Variants in TMPRSS6 observed in about 807,000 individuals in gnomAD.
The protein encoded by TMPRSS6 is transmembrane protease serine 6.
TMPRSS6 carries 67 observed loss-of-function variants against 101.5 expected under a neutral mutation model. The ratio of observed to expected loss-of-function variants is 0.66; its 90% CI spans 0.54 to 0.81. The LOEUF is 0.81. Among genes scored for constraint, TMPRSS6 ranks in the 30% least tolerant of loss-of-function variants. The pLI, the probability that TMPRSS6 is intolerant of heterozygous loss-of-function variation, is 0.00. For synonymous variants in TMPRSS6, 453 were observed against 464.9 expected (o/e 0.97, Z 0.33); for missense variants, 1,034 against 1,088.7 (o/e 0.95, Z 0.71).
At chr22:37,090,752 A>G (rs935190972) in intron 6 of TMPRSS6, among the ~76,000 whole-genome samples, 1 of 152,066 alleles carries the variant, frequency 6.6e-6, no homozygotes, top group Admixed American at 6.5e-5. Context: ...CCACCCTTGC[A>G]GGGCCGCCAG....
intron 2 of TMPRSS6, among the ~76,000 whole-genome samples, chr22:37,100,229 A>G (rs986420789): frequency 2.0e-5 from 3 of 152,282 alleles, no homozygotes; most frequent in Non-Finnish European, 4.4e-5. Context: ...GGCCTCCCAA[A>G]GTGCTGGGAT....
chr22:37,093,821 G>A (rs1027011436), intron 6 of TMPRSS6, among the ~76,000 whole-genome samples: 14 of 151,572 alleles, frequency 9.2e-5, no homozygotes, highest in East Asian at 2.0e-4. Flanking sequence ...TCAGGAGCTC[G>A]AGACCAGCCT....
At chr22:37,066,784 C>G in intron 17 of TMPRSS6, 42 bp downstream of exon 17, 1 of 1,613,706 alleles carries the variant, frequency 6.2e-7, no homozygotes. Flanking sequence ...TGGGCAGCAT[C>G]CTTTCTCCCT....
At chr22:37,084,173 C>A (rs1456593099) in intron 10 of TMPRSS6, 122 bp downstream of exon 10, 3 of 871,838 alleles carry the variant, frequency 3.4e-6, no homozygotes, top group Non-Finnish European at 3.7e-6. Context: ...CCTCTGCTCG[C>A]TCCCCTTGCT....
rs573523810 is a variant in TMPRSS6 at position 37,084,176 on chromosome 22, C to T, written c.1196+119G>A. Reference sequence around the variant, plus strand: ...CACCAGCCCCAGCCTCTGCTCGCTCCCCTTGCTGCCCCTCTGAGATTGGGG... The same window carrying T: ...CACCAGCCCCAGCCTCTGCTCGCTCTCCTTGCTGCCCCTCTGAGATTGGGG... On this transcript the variant is annotated intron_variant, in intron 10 of 17. Coordinates refer to ENST00000676104, the MANE Select transcript of TMPRSS6 (RefSeq NM_001374504.1). 1.8e-5 allele frequency: 16 copies of T among 887,288 alleles called. No individual in the cohort carries two copies. The East Asian group carries it at 4.0e-4, about 22-fold the overall frequency. 55.0% of individuals were successfully genotyped at this position (887,288 alleles called of 1,614,324 possible).
intron 2 of TMPRSS6, 45 bp from the exon 3 acceptor site, chr22:37,098,594 GAA>G (rs1930036405): frequency 1.9e-6 from 3 of 1,613,810 alleles, no homozygotes; most frequent in Non-Finnish European, 2.5e-6. Flanking sequence ...AAGCAGGTGG[GAA>G]AGTCTCCTGT....
At chr22:37,093,198 C>G (rs985196156) in intron 6 of TMPRSS6, among the ~76,000 whole-genome samples, 1 of 152,098 alleles carries the variant, frequency 6.6e-6, no homozygotes, top group African/African-American at 2.4e-5. Context: ...CTCATTCATG[C>G]TTTCATTCAT....
At chr22:37,074,559 AAGG>A (rs748331733) in intron 12 of TMPRSS6, 48 bp downstream of exon 12, 1 of 1,551,212 alleles carries the variant, frequency 6.4e-7, no homozygotes, top group Non-Finnish European at 8.9e-7. Flanking sequence ...AAAGGTGAGG[AAGG>A]AGAAGGGATG....
chr22:37,092,111 G>A (rs921231572), intron 6 of TMPRSS6, among the ~76,000 whole-genome samples: 3 of 143,986 alleles, frequency 2.1e-5, no homozygotes, highest in Admixed American at 1.4e-4. Flanking sequence ...TTTTTGAGAC[G>A]AATTCCGTGG....
chr22:37,083,311 A>C (rs1601542553), intron 10 of TMPRSS6, among the ~76,000 whole-genome samples: 1 of 150,890 alleles, frequency 6.6e-6, no homozygotes, highest in Non-Finnish European at 1.5e-5. Context: ...CTCTCCCCAA[A>C]CCTCTGCTCC....
intron 7 of TMPRSS6, 151 bp downstream of exon 7, chr22:37,089,427 A>G: frequency 1.3e-6 from 1 of 743,840 alleles, no homozygotes; most frequent in Non-Finnish European, 2.2e-6. Context: ...CCTCTCCCCT[A>G]TCCCCTCTAA....
At position 37,070,596 on chromosome 22, in the gene TMPRSS6, C is replaced by T. The variant is rs771705991; in HGVS notation, c.1729G>A (p.Gly577Ser). The change falls in exon 15 of 18, where the codon GGT becomes AGT. Residue 577 changes from glycine (G) to serine (S), a missense_variant. By Grantham distance (56) the Gly-to-Ser change is moderately conservative. Coordinates refer to ENST00000676104, the MANE Select transcript of TMPRSS6 (RefSeq NM_001374504.1). The part of the protein sequence containing the change: ...RIVGGAVSSE[G>S]EWPWQASLQV... ...AGGCTGGCCTGCCATGGCCACTCAC[C>T]CTCGGAGGACACAGCTCCACCAACA... is the stretch of plus-strand genomic sequence containing the variant. The T allele has an allele frequency of 2.5e-5, 40 of 1,613,268 alleles. 1 individual carries two copies. The highest frequency in any genetic ancestry group is 1.2e-4 in the Admixed American group (7 of 60,028).
At chr22:37,097,196 C>T (rs1335306196) in intron 3 of TMPRSS6, among the ~76,000 whole-genome samples, 1 of 152,248 alleles carries the variant, frequency 6.6e-6, no homozygotes, top group Non-Finnish European at 1.5e-5. Context: ...AACAAATCTG[C>T]AGCCGGGTCC....
rs1398518630 is a variant in TMPRSS6, at chr22:37,070,903, A to T, written c.1672+13T>A. On this transcript the variant is annotated intron_variant, in intron 14 of 17. Coordinates refer to ENST00000676104, the MANE Select transcript of TMPRSS6 (RefSeq NM_001374504.1). ...CCCAAGCTCCAGGGCCCCGGCAGCC[A>T]GGCAGGGCTCACCACAGTGCTCCTC... 1 of 1,611,636 alleles carries T rather than the reference A, an allele frequency of 6.2e-7. No homozygotes were observed. The highest frequency in any genetic ancestry group is 8.5e-7 in the Non-Finnish European group (1 of 1,179,112).
intron 2 of TMPRSS6, among the ~76,000 whole-genome samples, chr22:37,099,762 G>A (rs1930136134): frequency 6.6e-6 from 1 of 151,704 alleles, no homozygotes; most frequent in African/African-American, 2.4e-5. Context: ...ATGTACATCT[G>A]TGGAAAGAAT....
chr22:37,109,870 A>G (rs1308941298), upstream of TMPRSS6, among the ~76,000 whole-genome samples: 1 of 152,022 alleles, frequency 6.6e-6, no homozygotes, highest in East Asian at 1.9e-4. Context: ...CTGCCTGGTT[A>G]CAGCCCCTGG....
intron 2 of TMPRSS6, among the ~76,000 whole-genome samples, chr22:37,100,308 C>T (rs1385236398): frequency 6.6e-6 from 1 of 152,246 alleles, no homozygotes. Flanking sequence ...ATTTCGTTTG[C>T]TTTATCAAAT....
At chr22:37,073,150 A>AGGTGGGTGGGTGGATG (rs1569000357) in intron 13 of TMPRSS6, among the ~76,000 whole-genome samples, 1 of 77,478 alleles carries the variant, frequency 1.3e-5, no homozygotes, top group African/African-American at 8.6e-5. Flanking sequence ...GTGGGTGGGT[A>AGGTGGGTGGGTGGATG]GATGGGTGGG....
At chr22:37,092,493 C>T (rs1929359534) in intron 6 of TMPRSS6, among the ~76,000 whole-genome samples, 1 of 147,836 alleles carries the variant, frequency 6.8e-6, no homozygotes. Context: ...GTGCACACCA[C>T]CATGTCCAGC....
Sources: allele counts gnomAD v4.1 joint callset (sites outside exome capture counted in the v4.1 genomes callset), GRCh38; gene constraint gnomAD v4.1.1; transcripts MANE v1.5; gene names NCBI Gene and HGNC (gene_info 2026-07-23, HGNC 2026-07-21).